SGCD: variants seen among roughly 807,000 people sequenced by gnomAD.
The protein encoded by SGCD is sarcoglycan delta, also known as delta-sarcoglycan.
A neutral mutation model predicts 36.6 loss-of-function variants in SGCD; 18 were observed. The observed-to-expected ratio is 0.49, with a 90% CI of 0.34 to 0.73. SGCD has a LOEUF of 0.73. Ranked by LOEUF, SGCD falls within the 30% of genes least tolerant of loss-of-function variation. The pLI is 0.01. For synonymous variants in SGCD, 133 were observed against 130.6 expected, an observed-to-expected ratio of 1.02 and a Z score of -0.12; for missense variants, 387 against 346.7, an observed-to-expected ratio of 1.12 and a Z score of -0.92.
chr5:156,534,738 T>A (rs1230065669), intron 4 of SGCD, among the ~76,000 whole-genome samples: 1 of 152,222 alleles, frequency 6.6e-6, no homozygotes, highest in Non-Finnish European at 1.5e-5. Context: ...TTACCTGACA[T>A]CTTAGTACTT....
At chr5:156,244,803 A>G (rs1222186868) in intron 3 of SGCD, among the ~76,000 whole-genome samples, 1 of 152,214 alleles carries the variant, frequency 6.6e-6, no homozygotes, top group Non-Finnish European at 1.5e-5. Context: ...TTTAAACTAT[A>G]ACAGAACTTC....
chr5:155,792,326 C>G, the SGCD span, among the ~76,000 whole-genome samples: 32 of 149,278 alleles, frequency 2.1e-4, no homozygotes, highest in East Asian at 5.8e-3. Context: ...ATACCTTTCT[C>G]AACATCAGCT....
chr5:156,240,524 C>T (rs1765279487), intron 3 of SGCD, among the ~76,000 whole-genome samples: 1 of 152,128 alleles, frequency 6.6e-6, no homozygotes, highest in Non-Finnish European at 1.5e-5. Flanking sequence ...TGGGTCAGTA[C>T]AGACAAGTGC....
chr5:155,924,036 A>G (rs1424143086), intron 1 of SGCD, among the ~76,000 whole-genome samples: 3 of 152,178 alleles, frequency 2.0e-5, no homozygotes, highest in Admixed American at 6.5e-5. Flanking sequence ...AAGGCAGTGT[A>G]GATGATGAAT....
chr5:155,738,675 AGAGT>A, the SGCD span, among the ~76,000 whole-genome samples: 2 of 145,912 alleles, frequency 1.4e-5, no homozygotes, highest in African/African-American at 2.7e-5. Flanking sequence ...TGTGTGTAGG[AGAGT>A]GTGTGTGTGA....
intron 3 of SGCD, among the ~76,000 whole-genome samples, chr5:156,178,605 C>T (rs1022692619): frequency 6.6e-5 from 10 of 151,994 alleles, no homozygotes; most frequent in Non-Finnish European, 1.3e-4. Context: ...CTTAGTTTTC[C>T]CCTTCTATAG....
chr5:155,981,262 G>A (rs2127562168), intron 1 of SGCD, among the ~76,000 whole-genome samples: 1 of 152,276 alleles, frequency 6.6e-6, no homozygotes, highest in East Asian at 1.9e-4. Context: ...ATTCAGAGCT[G>A]CACACAGAAT....
chr5:156,388,585 A>C (rs982878101), intron 3 of SGCD, among the ~76,000 whole-genome samples: 1 of 152,236 alleles, frequency 6.6e-6, no homozygotes, highest in African/African-American at 2.4e-5. Flanking sequence ...TGGCAGTCTG[A>C]AGACCCCAAA....
At chr5:156,339,666 A>G (rs1402064232) in intron 2 of SGCD, among the ~76,000 whole-genome samples, 1 of 152,206 alleles carries the variant, frequency 6.6e-6, no homozygotes, top group Non-Finnish European at 1.5e-5. Context: ...GTAGTATTCT[A>G]TTGTGCAATA....
chr5:156,317,811 G>A (rs549909061), intron 3 of SGCD, among the ~76,000 whole-genome samples: 78 of 152,226 alleles, frequency 5.1e-4, no homozygotes, highest in South Asian at 4.4e-3. Context: ...TGTTTCTTTA[G>A]GATAAAATAC....
chr5:155,909,999 C>A (rs1756598575), intron 1 of SGCD, among the ~76,000 whole-genome samples: 1 of 151,864 alleles, frequency 6.6e-6, no homozygotes, highest in Non-Finnish European at 1.5e-5. Context: ...CTGATGATAT[C>A]TTGTAGGCTC....
intron 1 of SGCD, among the ~76,000 whole-genome samples, chr5:156,013,978 C>T (rs909608989): frequency 2.7e-5 from 4 of 150,784 alleles, no homozygotes; most frequent in African/African-American, 7.3e-5. Context: ...TGGTTATTTA[C>T]GAGATAGGGA....
At chr5:156,210,742 A>G (rs1186994169) in intron 3 of SGCD, among the ~76,000 whole-genome samples, 1 of 151,904 alleles carries the variant, frequency 6.6e-6, no homozygotes, top group Non-Finnish European at 1.5e-5. Context: ...ACTTACAGAC[A>G]AGTTATTTGA....
chr5:156,021,449 G>C (rs1380730877), intron 1 of SGCD, among the ~76,000 whole-genome samples: 2 of 152,108 alleles, frequency 1.3e-5, no homozygotes, highest in African/African-American at 4.8e-5. Flanking sequence ...GAGCCCAAGA[G>C]GTTGAGGCTG....
intron 1 of SGCD, among the ~76,000 whole-genome samples, chr5:155,894,888 AC>A (rs1439374040): frequency 2.6e-5 from 4 of 152,166 alleles, no homozygotes; most frequent in Non-Finnish European, 4.4e-5. Context: ...TACACGATAA[AC>A]GTAATGTGCT....
intron 3 of SGCD, among the ~76,000 whole-genome samples, chr5:156,504,955 T>G (rs1581090881): frequency 6.6e-6 from 1 of 152,218 alleles, no homozygotes; most frequent in South Asian, 2.1e-4. Context: ...TGTAAACATA[T>G]CAATGTCTTC....
chr5:156,720,950 G>A (rs192625416), intron 7 of SGCD, among the ~76,000 whole-genome samples: 12 of 152,264 alleles, frequency 7.9e-5, no homozygotes, highest in South Asian at 4.1e-4. Flanking sequence ...TAGACATTTC[G>A]AAAAGTGCTT....
intron 1 of SGCD, among the ~76,000 whole-genome samples, chr5:155,906,578 C>A (rs529716755): frequency 6.6e-5 from 10 of 152,240 alleles, no homozygotes; most frequent in South Asian, 2.1e-4. Flanking sequence ...GGGAGAAAGT[C>A]TGAGTGGTCT....
At chr5:155,963,391 T>A (rs1757829698) in intron 1 of SGCD, among the ~76,000 whole-genome samples, 1 of 152,138 alleles carries the variant, frequency 6.6e-6, no homozygotes, top group South Asian at 2.1e-4. Context: ...TAGTTATAAC[T>A]GCAGGATTAA....
Sources: gnomAD v4.1 joint callset for allele counts (sites outside exome capture counted in the v4.1 genomes callset) on GRCh38, gnomAD v4.1.1 for gene constraint, MANE v1.5 for transcripts, NCBI Gene and HGNC (gene_info 2026-07-23, HGNC 2026-07-21) for gene names.